DYM: variants seen among roughly 807,000 people sequenced by gnomAD.
The protein encoded by DYM is dymeclin.
Under a neutral mutation model 93.1 loss-of-function variants are expected in DYM, and 78 were observed. The ratio of observed to expected loss-of-function variants is 0.84; its 90% CI spans 0.70 to 1.01. The LOEUF is 1.01. Among genes scored for constraint, DYM ranks in the 50% least tolerant of loss-of-function variants. DYM has a pLI of 0.00. For missense variants in DYM, 789 were observed against 845.0 expected (o/e 0.93, Z 0.82); for synonymous variants, 321 against 319.7 (o/e 1.00, Z -0.04).
chr18:49,196,333 C>T (rs2091447260), intron 14 of DYM, among the ~76,000 whole-genome samples: 1 of 152,006 alleles, frequency 6.6e-6, no homozygotes, highest in Non-Finnish European at 1.5e-5. Flanking sequence ...AGCAAGTCTG[C>T]AAAAAGTTAA....
In DYM at chr18:49,317,627, C is replaced by T. The variant is rs62104617; in HGVS notation, c.763+14237G>A. ...CTCCCCCCTCCCTCCCTCCCTCCCT[C>T]CCTCTCCTATCCTCTCCTCTCCTTC... On this transcript the variant is annotated intron_variant, in intron 8 of 17. Transcript: ENST00000675505. Among the ~76,000 whole-genome samples, 57 of 24,388 alleles carry T rather than the reference C, an allele frequency of 2.3e-3. 1 individual carries two copies. Among genetic ancestry groups the T allele is most frequent in the Admixed American group, 4.1e-3 (7 of 1,710 alleles). The allele number at this position is 24,388 out of a possible 152,430, so 16.0% of individuals were successfully genotyped here. A position where few individuals can be genotyped will look rare whatever the true frequency, so the allele number is the denominator to read the frequency against.
intron 17 of DYM, among the ~76,000 whole-genome samples, chr18:49,081,196 C>G (rs987468890): frequency 1.3e-5 from 2 of 150,166 alleles, no homozygotes; most frequent in African/African-American, 4.9e-5. Context: ...CACGCCAGTG[C>G]ACTCCAGCCT....
intron 2 of DYM, among the ~76,000 whole-genome samples, chr18:49,394,328 C>T (rs992891519): frequency 6.6e-6 from 1 of 151,978 alleles, no homozygotes; most frequent in Non-Finnish European, 1.5e-5. Context: ...CGATAAAGCA[C>T]TTAGAACAGT....
At chr18:49,133,395 C>T (rs1005883297) in intron 15 of DYM, among the ~76,000 whole-genome samples, 12 of 152,242 alleles carry the variant, frequency 7.9e-5, no homozygotes, top group Admixed American at 5.2e-4. Context: ...CAAATTTAGC[C>T]GCTTAAAACA....
chr18:49,130,990 G>A (rs926627133), intron 15 of DYM, among the ~76,000 whole-genome samples: 11 of 152,154 alleles, frequency 7.2e-5, no homozygotes, highest in South Asian at 2.1e-4. Flanking sequence ...CAGCTTTCCC[G>A]TGAGAAAAAT....
chr18:49,255,935 T>A (rs1235167244), intron 13 of DYM, among the ~76,000 whole-genome samples: 2 of 150,860 alleles, frequency 1.3e-5, no homozygotes, highest in Admixed American at 6.6e-5. Flanking sequence ...CAAAAAAAAA[T>A]TAGCCGGGTG....
chr18:49,232,603 CTTTTTTTTTT>C (rs777802663), intron 13 of DYM, among the ~76,000 whole-genome samples: 31 of 94,406 alleles, frequency 3.3e-4, no homozygotes, highest in South Asian at 1.9e-3. Context: ...TGCCCGGCCT[CTTTTTTTTTT>C]TTTTTTTTTT....
At chr18:49,195,307 G>A (rs1222979148) in intron 14 of DYM, among the ~76,000 whole-genome samples, 1 of 152,104 alleles carries the variant, frequency 6.6e-6, no homozygotes, top group African/African-American at 2.4e-5. Flanking sequence ...GCGATTCAGA[G>A]TGATACCTCT....
chr18:49,096,053 A>G (rs1429915656), intron 17 of DYM, among the ~76,000 whole-genome samples: 1 of 152,196 alleles, frequency 6.6e-6, no homozygotes, highest in African/African-American at 2.4e-5. Flanking sequence ...AAATCCCACA[A>G]AAATACCCCC....
chr18:49,289,747 A>ACG lies in DYM; in HGVS notation c.764-3132_764-3131insCG, dbSNP rs1211515505. 9.1e-4 allele frequency among the ~76,000 whole-genome samples: 36 copies of ACG among 39,720 alleles called. No individual in the cohort carries two copies. The South Asian group carries it at 0.011, about 12-fold the overall frequency. The allele number at this position is 39,720 out of a possible 152,430, so 26.1% of individuals were successfully genotyped here. On this transcript the variant is annotated intron_variant, in intron 8 of 17. Transcript: ENST00000675505. ...TATGTGTATATATATATATATATAT[A>ACG]TATATATATATATATATATATATAT... is the stretch of plus-strand genomic sequence containing the variant.
intron 15 of DYM, among the ~76,000 whole-genome samples, chr18:49,135,160 C>A (rs1262889460): frequency 6.6e-6 from 1 of 151,948 alleles, no homozygotes; most frequent in Non-Finnish European, 1.5e-5. Context: ...CGTAAATAAA[C>A]AACATTTTAA....
chr18:49,308,390 G>A (rs2061395114), intron 8 of DYM, among the ~76,000 whole-genome samples: 1 of 152,112 alleles, frequency 6.6e-6, no homozygotes, highest in East Asian at 1.9e-4. Flanking sequence ...TGGACCATGG[G>A]TAACCTTAAG....
chr18:49,233,063 T>A (rs2093755309), intron 13 of DYM, among the ~76,000 whole-genome samples: 1 of 151,946 alleles, frequency 6.6e-6, no homozygotes, highest in African/African-American at 2.4e-5. Context: ...TAATACAATA[T>A]CTAAAAATGT....
intron 17 of DYM, among the ~76,000 whole-genome samples, chr18:49,064,848 T>C (rs2076261349): frequency 6.6e-6 from 1 of 151,364 alleles, no homozygotes; most frequent in Non-Finnish European, 1.5e-5. Context: ...AAATACTGTT[T>C]TGGAATTCAA....
chr18:49,254,281 C>CATATATAT (rs3084549), intron 13 of DYM, among the ~76,000 whole-genome samples: 202 of 136,418 alleles, frequency 1.5e-3, no homozygotes, highest in East Asian at 7.7e-3. Context: ...ATCCTTGTAT[C>CATATATAT]ATATATATAT....
rs565950310 is a variant in DYM, at chr18:49,214,593, A to G, written c.1461-4878T>C. ...AAAAAAAAGATAAATTTGTTAAGCAAATAAATATGATAAAGGTGGAAGAGG... is the reference window on the plus strand; with the variant it reads ...AAAAAAAAGATAAATTTGTTAAGCAGATAAATATGATAAAGGTGGAAGAGG... On this transcript the variant is annotated intron_variant, in intron 13 of 17. Transcript: ENST00000675505. Among the ~76,000 whole-genome samples, 37 of 152,300 alleles carry G rather than the reference A, an allele frequency of 2.4e-4. No homozygotes were observed. The South Asian group carries it at 7.7e-3, about 32-fold the overall frequency.
chr18:49,286,825 T>C (rs2059696872), intron 8 of DYM, among the ~76,000 whole-genome samples: 1 of 151,966 alleles, frequency 6.6e-6, no homozygotes, highest in Admixed American at 6.6e-5. Context: ...AATAGAGAAA[T>C]AGAGATTTTT....
At chr18:49,209,748 AAG>A in intron 13 of DYM, 33 bp from the exon 14 acceptor site, 1 of 1,187,968 alleles carries the variant, frequency 8.4e-7, no homozygotes, top group Non-Finnish European at 1.1e-6. Flanking sequence ...GAGAAACAGA[AAG>A]AGAGGAGTTT....
At position 49,276,163 on chromosome 18, in the gene DYM, G is replaced by A. The variant is rs376841765; in HGVS notation, c.1126-3860C>T. On this transcript the variant is annotated intron_variant, in intron 10 of 17. Coordinates refer to ENST00000675505, the MANE Select transcript of DYM (RefSeq NM_001353214.3). ...TTTTGTGGCTGATCTCGGGGAGAAAGAAAACAGTGTTTTACCATTAAATAT... is the reference window on the plus strand; with the variant it reads ...TTTTGTGGCTGATCTCGGGGAGAAAAAAAACAGTGTTTTACCATTAAATAT... Among the ~76,000 whole-genome samples the A allele has an allele frequency of 6.6e-5, 10 of 152,178 alleles. No individual in the cohort carries two copies. In the East Asian group the frequency reaches 1.7e-3, roughly 26 times the overall value.
Sources: allele counts gnomAD v4.1 joint callset (sites outside exome capture counted in the v4.1 genomes callset), GRCh38; gene constraint gnomAD v4.1.1; transcripts MANE v1.5; gene names NCBI Gene and HGNC (gene_info 2026-07-23, HGNC 2026-07-21).